The following NBEA variants were observed in gnomAD, a reference collection of about 807,000 sequenced individuals.
NBEA encodes the protein neurobeachin.
NBEA carries 44 observed loss-of-function variants against 343.4 expected under a neutral mutation model. The ratio of observed to expected loss-of-function variants is 0.13; its 90% CI spans 0.10 to 0.16. NBEA has a LOEUF of 0.16. Ranked by LOEUF, NBEA falls within the 10% of genes least tolerant of loss-of-function variation. The pLI is 1.00. For synonymous variants in NBEA, 1,175 were observed against 1,238.7 expected, an observed-to-expected ratio of 0.95 and a Z score of 1.08; for missense variants, 2,555 against 3,631.3, an observed-to-expected ratio of 0.70 and a Z score of 7.62.
chr13:35,413,304 T>C (rs1260610763), intron 38 of NBEA, among the ~76,000 whole-genome samples: 1 of 152,188 alleles, frequency 6.6e-6, no homozygotes, highest in Non-Finnish European at 1.5e-5. Context: ...CTGACCTCAA[T>C]GATTACCACT....
At chr13:35,462,626 T>G (rs1332553843) in intron 40 of NBEA, among the ~76,000 whole-genome samples, 3 of 152,112 alleles carry the variant, frequency 2.0e-5, no homozygotes, top group African/African-American at 7.2e-5. Context: ...TGATGAATTT[T>G]TTTAAAAAAA....
At chr13:35,028,215 C>T (rs527726666) in intron 1 of NBEA, among the ~76,000 whole-genome samples, 68 of 151,792 alleles carry the variant, frequency 4.5e-4, no homozygotes, top group African/African-American at 1.4e-3. Context: ...AAAATATTTC[C>T]GGGATTTATA....
rs1350302340 is a variant in NBEA, at chr13:35,162,096, G to A, written c.4079+129G>A. On this transcript the variant is annotated intron_variant, in intron 23 of 58. Coordinates refer to ENST00000379939, the MANE Select transcript of NBEA (RefSeq NM_001385012.1). ...AATTTCCACATTTTTCTTGTATCTT[G>A]TTTAAATTAATACCATGTACTAAAT... 3 of 716,786 alleles carry A rather than the reference G, an allele frequency of 4.2e-6. No homozygotes were observed. The Admixed American group carries it at 8.9e-5, about 21-fold the overall frequency. 44.4% of individuals were successfully genotyped at this position (716,786 alleles called of 1,614,324 possible).
At chr13:35,652,362 C>G (rs56384039) in intron 53 of NBEA, among the ~76,000 whole-genome samples, 4,184 of 148,770 alleles carry the variant, frequency 0.028, 96 homozygotes, top group South Asian at 0.11. Flanking sequence ...AAAAAAGGGC[C>G]GGGCATGGTG....
intron 30 of NBEA, among the ~76,000 whole-genome samples, chr13:35,187,973 C>T (rs59105679): frequency 5.3e-5 from 8 of 152,050 alleles, no homozygotes; most frequent in African/African-American, 1.9e-4. Flanking sequence ...CCTACTCATT[C>T]TTCAGGTCAC....
At chr13:35,355,488 G>A (rs1015260598) in intron 38 of NBEA, among the ~76,000 whole-genome samples, 3 of 151,990 alleles carry the variant, frequency 2.0e-5, no homozygotes, top group Admixed American at 6.6e-5. Context: ...TCAAGTACTC[G>A]GTAGCCACAT....
rs79932912 is a variant in NBEA, at chr13:35,190,744, A to T, written c.4928-5120A>T. ...AGAATTATGAGACAAGCAAAGAAAT[A>T]GGAAAGTATGGTCAATACACAGGGG... On this transcript the variant is annotated intron_variant, in intron 30 of 58. Coordinates refer to ENST00000379939, the MANE Select transcript of NBEA (RefSeq NM_001385012.1). Among the ~76,000 whole-genome samples, 16 of 152,284 alleles carry T rather than the reference A, an allele frequency of 1.1e-4. No homozygotes were observed. In the East Asian group the frequency reaches 1.2e-3, roughly 11 times the overall value.
chr13:35,199,468 G>A (rs1009754717), intron 31 of NBEA, among the ~76,000 whole-genome samples: 1 of 152,124 alleles, frequency 6.6e-6, no homozygotes, highest in Non-Finnish European at 1.5e-5. Flanking sequence ...TATAAACTCA[G>A]TTGGTCGCTT....
At chr13:35,356,652 T>A (rs981715612) in intron 38 of NBEA, among the ~76,000 whole-genome samples, 6 of 152,180 alleles carry the variant, frequency 3.9e-5, no homozygotes, top group African/African-American at 7.2e-5. Context: ...CCTACTGAAC[T>A]TCTAAACTGT....
Position 35,403,709 on chromosome 13 carries a change from T to A in NBEA, c.6180-28560T>A, listed in dbSNP as rs555577611. Among the ~76,000 whole-genome samples, 355 of 151,828 alleles carry A rather than the reference T, an allele frequency of 2.3e-3. 2 individuals are homozygous for A. The highest frequency in any genetic ancestry group is 8.1e-3 in the African/African-American group (337 of 41,478). On this transcript the variant is annotated intron_variant, in intron 38 of 58. Coordinates refer to ENST00000379939, the MANE Select transcript of NBEA (RefSeq NM_001385012.1). ...CATAGGCATGGGCAAGGACTTCATG[T>A]CTAAAACACCAAAAGCAATGGCAAC...
At chr13:35,594,974 CACACACACACACACACAA>C (rs1172773910) in intron 47 of NBEA, among the ~76,000 whole-genome samples, 1 of 151,114 alleles carries the variant, frequency 6.6e-6, no homozygotes, top group African/African-American at 2.4e-5. Context: ...CACACACACA[CACACACACACACACACAA>C]ATTGGCTTTT....
At chr13:35,298,239 ATATATATATG>A (rs1476410984) in intron 35 of NBEA, among the ~76,000 whole-genome samples, 22 of 115,410 alleles carry the variant, frequency 1.9e-4, no homozygotes, top group African/African-American at 4.2e-4. Context: ...ATATATATAT[ATATATATATG>A]TATATGCTTC....
At chr13:35,303,571 A>G (rs2036691881) in intron 35 of NBEA, among the ~76,000 whole-genome samples, 1 of 152,148 alleles carries the variant, frequency 6.6e-6, no homozygotes, top group African/African-American at 2.4e-5. Context: ...TAATAAATGG[A>G]CTATTTTATA....
intron 1 of NBEA, among the ~76,000 whole-genome samples, chr13:34,973,271 G>C (rs1387909537): frequency 6.6e-6 from 1 of 152,154 alleles, no homozygotes; most frequent in Non-Finnish European, 1.5e-5. Context: ...CCAGTCAGGA[G>C]GAACAGGATT....
intron 38 of NBEA, among the ~76,000 whole-genome samples, chr13:35,425,478 G>T (rs963157235): frequency 7.9e-5 from 12 of 152,264 alleles, no homozygotes; most frequent in African/African-American, 2.6e-4. Flanking sequence ...TCTTAATCCT[G>T]AGTTCTAGTT....
At chr13:35,476,354 C>CTGCT (rs2075871447) in intron 41 of NBEA, 2 of 1,211,634 alleles carry the variant, frequency 1.7e-6, no homozygotes, top group Admixed American at 2.0e-5. Flanking sequence ...GCTGCTGCTG[C>CTGCT]TTTTCCCTTC....
At chr13:35,467,213 C>A (rs1391743690) in intron 40 of NBEA, among the ~76,000 whole-genome samples, 3 of 152,114 alleles carry the variant, frequency 2.0e-5, no homozygotes, top group Non-Finnish European at 4.4e-5. Context: ...GTGGCTCAGA[C>A]CTGTAATCCC....
chr13:35,290,294 T>G (rs190960919), intron 34 of NBEA, 95 bp from the exon 35 acceptor site: 148 of 785,034 alleles, frequency 1.9e-4, no homozygotes, highest in South Asian at 3.8e-4. Flanking sequence ...TAAAAGAAAG[T>G]TTTTTTTATA....
At chr13:35,276,781 G>A (rs542150209) in intron 34 of NBEA, among the ~76,000 whole-genome samples, 16 of 152,274 alleles carry the variant, frequency 1.1e-4, no homozygotes, top group South Asian at 6.2e-4. Flanking sequence ...AATGTGAATA[G>A]ACTATAAGAT....
Sources: allele counts gnomAD v4.1 joint callset (sites outside exome capture counted in the v4.1 genomes callset), GRCh38; gene constraint gnomAD v4.1.1; transcripts MANE v1.5; gene names NCBI Gene and HGNC (gene_info 2026-07-23, HGNC 2026-07-21).